Variants in MAU2 observed in about 807,000 individuals in gnomAD.
MAU2 encodes MAU2 sister chromatid cohesion factor.
MAU2 carries 9 observed loss-of-function variants against 89.1 expected under a neutral mutation model. The ratio of observed to expected loss-of-function variants is 0.10; its 90% confidence interval spans 0.06 to 0.18. The LOEUF is 0.18. Ranked by LOEUF, MAU2 falls within the 10% of genes least tolerant of loss-of-function variation. The pLI is 1.00. For missense variants in MAU2, 425 were observed against 803.5 expected, an observed-to-expected ratio of 0.53 and a Z score of 5.69; for synonymous variants, 357 against 343.4, an observed-to-expected ratio of 1.04 and a Z score of -0.44.
chr19:19,327,456 G>T (rs1463822484), intron 1 of MAU2, among the ~76,000 whole-genome samples: 1 of 152,034 alleles, frequency 6.6e-6, no homozygotes, highest in Admixed American at 6.6e-5. Context: ...CTCCTGAGTA[G>T]CTGGAACTAC....
chr19:19,326,712 A>T (rs377384094), intron 1 of MAU2, among the ~76,000 whole-genome samples: 3 of 115,342 alleles, frequency 2.6e-5, no homozygotes, highest in Non-Finnish European at 5.5e-5. Context: ...GTATATATAT[A>T]TATATATACA....
intron 17 of MAU2, 200 bp downstream of exon 17, chr19:19,354,645 G>A (rs766232875): frequency 5.8e-5 from 35 of 603,996 alleles, no homozygotes; most frequent in Admixed American, 1.3e-4. Context: ...CGCTTGACTC[G>A]GGGTCTGGTT....
At chr19:19,341,119 G>C (rs2061641660) in intron 6 of MAU2, 133 bp from the exon 7 acceptor site, 2 of 1,134,512 alleles carry the variant, frequency 1.8e-6, no homozygotes, top group Non-Finnish European at 1.2e-6. Flanking sequence ...CCTGGGCTGG[G>C]GTTTCAGGCT....
chr19:19,344,133 C>T (rs763763552), intron 10 of MAU2, 193 bp downstream of exon 10: 21 of 577,458 alleles, frequency 3.6e-5, no homozygotes, highest in South Asian at 5.9e-5. Flanking sequence ...CAGTGGAGGC[C>T]GGGCGCAGTG....
chr19:19,337,275 G>A lies in MAU2; in HGVS notation c.456+10G>A, dbSNP rs756160849. On this transcript the variant is annotated intron_variant, in intron 4 of 18. Coordinates refer to ENST00000262815, the MANE Select transcript of MAU2 (RefSeq NM_015329.4). The stretch of plus-strand genomic sequence containing the variant: ...GCTCTTCCAGCTCGCTGTGAGTACC[G>A]CGGCCCGGGAACGAGGGTGCCCGGC... 5 of 1,610,534 alleles carry A rather than the reference G, an allele frequency of 3.1e-6. No homozygotes were observed. In the East Asian group the frequency reaches 6.7e-5, roughly 22 times the overall value.
Position 19,345,752 on chromosome 19 carries a change from TG to T in MAU2, c.1221+386del, listed in dbSNP as rs1180352769. On this transcript the variant is annotated intron_variant, in intron 12 of 18. Transcript: ENST00000262815. This position sits in a 1 kb window ranked among gnomAD's most constrained non-coding sequence, Gnocchi z 4.9. ...GGGCTCCCATGGGGAGTGGTGGAGCTGGGCCATCTCCCAGGTGCTCTTTGGA... is the reference window on the plus strand; with the variant it reads ...GGGCTCCCATGGGGAGTGGTGGAGCTGGCCATCTCCCAGGTGCTCTTTGGA... 1.3e-5 allele frequency among the ~76,000 whole-genome samples: 2 copies of T among 152,158 alleles called. No individual in the cohort carries two copies. Among genetic ancestry groups the T allele is most frequent in the Non-Finnish European group, 2.9e-5 (2 of 68,008 alleles).
At position 19,348,898 on chromosome 19, in the gene MAU2, C is replaced by T. The variant is rs372392083; in HGVS notation, c.1318C>T (p.Leu440=). 1.2e-5 allele frequency: 19 copies of T among 1,613,880 alleles called. No individual in the cohort carries two copies. In the Admixed American group the frequency reaches 3.2e-4, roughly 27 times the overall value. The change falls in exon 14 of 19, where the codon CTG becomes TTG. Residue 440 remains leucine, a synonymous_variant. Transcript: ENST00000262815. ...GNRHQEVLYS[L]LERINPDHSF... is the part of the protein sequence containing the mutation. ...GCTCTTTCCCCCGCAGCTCTACAGT[C>T]TGCTGGAGAGGATCAACCCGGACCA...
chr19:19,328,835 T>C (rs914664159), intron 1 of MAU2, among the ~76,000 whole-genome samples: 2 of 152,162 alleles, frequency 1.3e-5, no homozygotes, highest in Non-Finnish European at 2.9e-5. Flanking sequence ...AAATGCCGCC[T>C]CTCTGGAAGA....
rs1439528898 is a variant in MAU2 at position 19,357,207 on chromosome 19, T to C, written c.*1425T>C. 3.3e-5 allele frequency: 5 copies of C among 152,300 alleles called. No individual in the cohort carries two copies. Among genetic ancestry groups the C allele is most frequent in the Admixed American group, 3.3e-4 (5 of 15,278 alleles). 9.4% of individuals were successfully genotyped at this position (152,300 alleles called of 1,614,324 possible). ...CTTCCTCACTGGCCACCACCTGACA[T>C]CAGCACCAGTGACAGGCTGGTCAGA... On this transcript the variant is annotated 3_prime_UTR_variant, in exon 19 of 19. Transcript: ENST00000262815.
chr19:19,326,404 T>G (rs1259415112), intron 1 of MAU2, among the ~76,000 whole-genome samples: 1 of 151,184 alleles, frequency 6.6e-6, no homozygotes, highest in Non-Finnish European at 1.5e-5. Flanking sequence ...AAAAAAAATA[T>G]AGCCGGGCGC....
At chr19:19,321,186 C>G (rs749912117) in intron 1 of MAU2, 51 bp downstream of exon 1, 141 of 1,509,962 alleles carry the variant, frequency 9.3e-5, no homozygotes, top group Non-Finnish European at 1.2e-4. Flanking sequence ...CTTGCAAGAT[C>G]TGGGCTGACG....
chr19:19,330,284 C>T (rs2061545310), intron 1 of MAU2, among the ~76,000 whole-genome samples: 1 of 151,816 alleles, frequency 6.6e-6, no homozygotes, highest in African/African-American at 2.4e-5. Flanking sequence ...CCAGCCAACC[C>T]TGTCTCTTAT....
intron 1 of MAU2, among the ~76,000 whole-genome samples, chr19:19,327,485 C>A (rs1359758107): frequency 6.6e-6 from 1 of 152,040 alleles, no homozygotes; most frequent in Non-Finnish European, 1.5e-5. Flanking sequence ...GCCACCACGC[C>A]CGGCTAATTT....
chr19:19,344,305 G>T (rs1460740105), intron 10 of MAU2: 1 of 273,502 alleles, frequency 3.7e-6, no homozygotes, highest in East Asian at 1.0e-4. Context: ...CCAGTTACTT[G>T]AGAGGCTGAG....
chr19:19,353,952 TG>T (rs1340056093), intron 16 of MAU2: 4 of 234,198 alleles, frequency 1.7e-5, no homozygotes, highest in Non-Finnish European at 2.6e-5. Flanking sequence ...AACTCAATTG[TG>T]GAAGACAAAC....
intron 13 of MAU2, chr19:19,348,665 C>G: frequency 1.6e-6 from 1 of 642,084 alleles, no homozygotes; most frequent in Non-Finnish European, 2.8e-6. Context: ...CCCCTGTCAC[C>G]TACTGCAGGA....
intron 1 of MAU2, among the ~76,000 whole-genome samples, chr19:19,334,920 G>A (rs141329133): frequency 1.3e-5 from 2 of 152,332 alleles, no homozygotes; most frequent in East Asian, 1.9e-4. Context: ...AGCAACCACC[G>A]AGGCTCTTGT....
intron 16 of MAU2, among the ~76,000 whole-genome samples, chr19:19,351,272 T>C (rs1216321010): frequency 6.6e-6 from 1 of 151,466 alleles, no homozygotes; most frequent in Non-Finnish European, 1.5e-5. Flanking sequence ...GGTCTTGAAC[T>C]CCTGAGCTCA....
At chr19:19,353,498 C>G (rs1040069646) in intron 16 of MAU2, 5 of 152,304 alleles carry the variant, frequency 3.3e-5, no homozygotes, top group Admixed American at 1.3e-4. Flanking sequence ...AGGAGCATCT[C>G]TGCACTCTGG....
Sources: gnomAD v4.1 joint callset for allele counts (sites outside exome capture counted in the v4.1 genomes callset) on GRCh38, gnomAD v4.1.1 for gene constraint, Gnocchi (gnomAD v3.1) non-coding constraint, MANE v1.5 for transcripts, NCBI Gene and HGNC (gene_info 2026-07-23, HGNC 2026-07-21) for gene names.